The following UBE2W variants were observed in gnomAD, a reference collection of about 807,000 sequenced individuals.
UBE2W encodes ubiquitin-conjugating enzyme E2 W.
A neutral mutation model predicts 27.2 loss-of-function variants in UBE2W; 18 were observed. The ratio of observed to expected loss-of-function variants is 0.66; its 90% CI spans 0.46 to 0.98. UBE2W has a LOEUF of 0.98. Among genes scored for constraint, UBE2W ranks in the 50% least tolerant of loss-of-function variants. UBE2W has a pLI of 0.00. For missense variants in UBE2W, 90 were observed against 180.2 expected, an observed-to-expected ratio of 0.50 and a Z score of 2.87; for synonymous variants, 53 against 57.2, an observed-to-expected ratio of 0.93 and a Z score of 0.33.
rs1035298167 is a variant in UBE2W, at chr8:73,825,186, T to C, written c.171A>G (p.Leu57=). 3 of 1,561,724 alleles carry C rather than the reference T, an allele frequency of 1.9e-6. No homozygotes were observed. Among genetic ancestry groups the C allele is most frequent in the East Asian group, 2.4e-5 (1 of 42,430 alleles). Residue 57 remains leucine (L), a synonymous_variant, in exon 3 of 6, where the codon CTA becomes CTG. Coordinates refer to ENST00000602593, the MANE Select transcript of UBE2W (RefSeq NM_018299.6). ...AAGGATATCGACTACTAAATTTAAA[T>C]AGAAGTTGAAATTTTTCCCCTTCAT... ...TLYEGEKFQL[L]FKFSSRYPFD...
intron 1 of UBE2W, chr8:73,831,903 T>C (rs578005565): frequency 2.6e-5 from 4 of 151,976 alleles, no homozygotes; most frequent in African/African-American, 9.7e-5. Context: ...AAGTTCAACC[T>C]GATGCTCAAA....
intron 5 of UBE2W, among the ~76,000 whole-genome samples, chr8:73,805,182 G>A (rs1808824025): frequency 6.6e-6 from 1 of 151,120 alleles, no homozygotes; most frequent in African/African-American, 2.4e-5. Context: ...TGCTGGGCGT[G>A]GTGGCTCACG....
rs981605652 is a variant in UBE2W at position 73,794,002 on chromosome 8, G to C, written c.*100C>G. ...AAGGAAGTAGTCTTCATTGCCTATA[G>C]GTCACTTCCAGTCAAAGGTTAAAGT... On this transcript the variant is annotated 3_prime_UTR_variant, in exon 6 of 6. Transcript: ENST00000602593. The C allele has an allele frequency of 2.7e-5, 42 of 1,575,438 alleles. No homozygotes were observed. In the Admixed American group the frequency reaches 7.8e-4, roughly 29 times the overall value.
intron 1 of UBE2W, among the ~76,000 whole-genome samples, chr8:73,870,827 GAAA>G (rs60577226): frequency 2.9e-4 from 29 of 99,532 alleles, no homozygotes; most frequent in African/African-American, 7.1e-4. Flanking sequence ...TGAGTGAAAA[GAAA>G]AAAAAAAAAA....
At chr8:73,800,694 GCTTA>G (rs1395903225) in intron 5 of UBE2W, among the ~76,000 whole-genome samples, 3 of 152,224 alleles carry the variant, frequency 2.0e-5, no homozygotes, top group African/African-American at 7.2e-5. Context: ...GTACTTCTCG[GCTTA>G]CTTGGAGATT....
At chr8:73,818,987 A>C (rs1171849964) in intron 3 of UBE2W, among the ~76,000 whole-genome samples, 4 of 152,166 alleles carry the variant, frequency 2.6e-5, no homozygotes, top group African/African-American at 9.7e-5. Context: ...AAATGGCCTA[A>C]TACACTGACC....
intron 2 of UBE2W, among the ~76,000 whole-genome samples, chr8:73,828,619 C>G (rs1211761214): frequency 6.6e-6 from 1 of 151,966 alleles, no homozygotes; most frequent in African/African-American, 2.4e-5. Context: ...CAAATTTCTT[C>G]CAGAAAATTA....
At chr8:73,874,737 A>C (rs1276762166) in intron 1 of UBE2W, among the ~76,000 whole-genome samples, 1 of 152,260 alleles carries the variant, frequency 6.6e-6, no homozygotes, top group East Asian at 1.9e-4. Context: ...TATCAATTTT[A>C]GGTATCACCA....
At chr8:73,864,073 T>C (rs1017979853) in intron 1 of UBE2W, among the ~76,000 whole-genome samples, 1 of 152,132 alleles carries the variant, frequency 6.6e-6, no homozygotes, top group South Asian at 2.1e-4. Flanking sequence ...ACTTCAATAC[T>C]TCCAAATCAA....
chr8:73,840,287 A>G (rs1331992139), intron 1 of UBE2W, among the ~76,000 whole-genome samples: 1 of 149,356 alleles, frequency 6.7e-6, no homozygotes, highest in Non-Finnish European at 1.5e-5. Context: ...CTATCTCCTG[A>G]CCTCGTGATC....
At chr8:73,828,744 C>T (rs1809953759) in intron 2 of UBE2W, among the ~76,000 whole-genome samples, 1 of 152,160 alleles carries the variant, frequency 6.6e-6, no homozygotes, top group African/African-American at 2.4e-5. Flanking sequence ...GGGTATCCAT[C>T]ACCTCAAGCA....
chr8:73,814,720 A>C (rs550702915), intron 3 of UBE2W, among the ~76,000 whole-genome samples: 15 of 152,160 alleles, frequency 9.9e-5, no homozygotes, highest in African/African-American at 3.4e-4. Flanking sequence ...GGGTTTTACT[A>C]TATGTTGGCC....
chr8:73,873,468 A>T (rs1004268012), intron 1 of UBE2W, among the ~76,000 whole-genome samples: 3 of 152,188 alleles, frequency 2.0e-5, no homozygotes, highest in African/African-American at 7.2e-5. Flanking sequence ...GGCCAACTTG[A>T]GCAACAGGGA....
chr8:73,808,762 T>C (rs1424027259), intron 4 of UBE2W, among the ~76,000 whole-genome samples: 5 of 152,198 alleles, frequency 3.3e-5, no homozygotes, highest in Non-Finnish European at 5.9e-5. Context: ...AGTAAAAACA[T>C]AGTTTATTAG....
chr8:73,866,288 AAAATATATATAT>A (rs1329159412), intron 1 of UBE2W, among the ~76,000 whole-genome samples: 20 of 80,338 alleles, frequency 2.5e-4, no homozygotes, highest in African/African-American at 7.9e-4. Flanking sequence ...AAAAAAAAAA[AAAATATATATAT>A]ATATATATAT....
In UBE2W at chr8:73,791,672, C is replaced by T. The variant is rs867808350; in HGVS notation, c.*2430G>A. ...CTAACATATAAATTAAATCTAAGTG[C>T]AAGGAGTTTTCAATGATTCCTAAAT... On this transcript the variant is annotated 3_prime_UTR_variant, in exon 6 of 6. Transcript: ENST00000602593. 6.1e-6 allele frequency: 6 copies of T among 985,024 alleles called. No homozygotes were observed. The Middle Eastern group carries it at 2.1e-3, about 343-fold the overall frequency. 61.0% of individuals were successfully genotyped at this position (985,024 alleles called of 1,614,324 possible).
chr8:73,789,150 GATA>G lies in UBE2W; in HGVS notation c.*4949_*4951del. ...TGTCTAGATTCTATGTGCCTCTAAT[GATA>G]ATGATGTACATAAACCTGTCTTAAA... On this transcript the variant is annotated 3_prime_UTR_variant, in exon 6 of 6. Coordinates refer to ENST00000602593, the MANE Select transcript of UBE2W (RefSeq NM_018299.6). The G allele has an allele frequency of 1.0e-6, 1 of 984,732 alleles. No homozygotes were observed. Among genetic ancestry groups the G allele is most frequent in the South Asian group, 4.7e-5 (1 of 21,252 alleles). 61.0% of individuals were successfully genotyped at this position (984,732 alleles called of 1,614,324 possible).
At position 73,871,073 on chromosome 8, in the gene UBE2W, T is replaced by C. The variant is rs1811992021; in HGVS notation, c.15+7735A>G. The stretch of plus-strand genomic sequence containing the variant: ...ATGACTTTTGTTTAGAAAGAATCTA[T>C]TGGGAATCTAAAGAGATAAGTAAAC... On this transcript the variant is annotated intron_variant, in intron 1 of 5. Coordinates refer to ENST00000602593, the MANE Select transcript of UBE2W (RefSeq NM_018299.6). Among the ~76,000 whole-genome samples the C allele has an allele frequency of 2.6e-5, 4 of 152,098 alleles. 1 individual carries two copies. The South Asian group carries it at 6.2e-4, about 24-fold the overall frequency.
At position 73,832,448 on chromosome 8, in the gene UBE2W, G is replaced by T. The variant is rs371280287; in HGVS notation, c.16-1976C>A. Among the ~76,000 whole-genome samples, 32 of 152,246 alleles carry T rather than the reference G, an allele frequency of 2.1e-4. No homozygotes were observed. The South Asian group carries it at 5.8e-3, about 28-fold the overall frequency. On this transcript the variant is annotated intron_variant, in intron 1 of 5. Transcript: ENST00000602593. ...GTGTATTTTATTAACTGCTTGACCA[G>T]TAAGTTTTGCATAATGGCTAATCTT...
Sources: allele counts gnomAD v4.1 joint callset (sites outside exome capture counted in the v4.1 genomes callset), GRCh38; gene constraint gnomAD v4.1.1; transcripts MANE v1.5; gene names NCBI Gene and HGNC (gene_info 2026-07-23, HGNC 2026-07-21).